The following PCDH15 variants were observed in gnomAD, a reference collection of about 807,000 sequenced individuals.
PCDH15 encodes the protein protocadherin-15.
A neutral mutation model predicts 178.5 loss-of-function variants in PCDH15; 129 were observed. That is an observed-to-expected ratio of 0.72 (90% CI 0.63 to 0.84). PCDH15 has a LOEUF of 0.84. PCDH15 is among the 40% of genes least tolerant of loss of function. The pLI, the probability that PCDH15 is intolerant of heterozygous loss-of-function variation, is 0.00. For synonymous variants in PCDH15, 800 were observed against 732.0 expected (o/e 1.09, Z -1.50); for missense variants, 2,230 against 2,099.9 (o/e 1.06, Z -1.21).
chr10:54,961,880 T>C (rs762850372), intron 2 of PCDH15, among the ~76,000 whole-genome samples: 4 of 152,042 alleles, frequency 2.6e-5, no homozygotes, highest in African/African-American at 4.8e-5. Context: ...TCACTTCGGG[T>C]CTTCTCTACT....
chr10:55,297,397 C>A lies in PCDH15; in HGVS notation c.-156+22202G>T, dbSNP rs191981408. Among the ~76,000 whole-genome samples the A allele has an allele frequency of 3.0e-3, 449 of 152,146 alleles. 2 individuals carry two copies. The highest frequency in any genetic ancestry group is 4.8e-3 in the Non-Finnish European group (325 of 67,974). ...TGTTTAAATCAGTCTTAATTGAATT[C>A]ACAGAACCATGTCACTGATTTTCCT... On this transcript the variant is annotated intron_variant, in intron 1 of 5. Transcript: ENST00000458638.
chr10:54,551,577 T>G (rs2086620701), intron 2 of PCDH15, among the ~76,000 whole-genome samples: 1 of 152,156 alleles, frequency 6.6e-6, no homozygotes, highest in Non-Finnish European at 1.5e-5. Context: ...TGATTTTTAC[T>G]TTGGTGTACA....
chr10:54,481,121 C>A (rs2078685585), intron 3 of PCDH15, among the ~76,000 whole-genome samples: 1 of 151,668 alleles, frequency 6.6e-6, no homozygotes. Context: ...AAATTCTCAC[C>A]CACTTACTCA....
rs559314608 is a variant in PCDH15, at chr10:54,092,289, A to G, written c.1918-2226T>C. Among the ~76,000 whole-genome samples, 7 of 152,140 alleles carry G rather than the reference A, an allele frequency of 4.6e-5. No homozygotes were observed. In the South Asian group the frequency reaches 1.0e-3, roughly 23 times the overall value. ...TTTCTTCTCTGCCACCACCTTCCTC[A>G]TGGATTATGGTAGTAACTATTTTAC... On this transcript the variant is annotated intron_variant, in intron 15 of 37. Coordinates refer to ENST00000644397, the MANE Select transcript of PCDH15 (RefSeq NM_001384140.1).
intron 8 of PCDH15, among the ~76,000 whole-genome samples, chr10:54,245,131 G>C (rs150905389): frequency 6.6e-6 from 1 of 152,132 alleles, no homozygotes; most frequent in Non-Finnish European, 1.5e-5. Context: ...CACTCAATAG[G>C]AAGGCAATAA....
intron 2 of PCDH15, among the ~76,000 whole-genome samples, chr10:55,102,490 G>A (rs1842596562): frequency 6.6e-6 from 1 of 151,994 alleles, no homozygotes; most frequent in South Asian, 2.1e-4. Context: ...TGGAATAACA[G>A]CAATAACTAA....
chr10:54,845,608 T>A (rs986061581), intron 3 of PCDH15, among the ~76,000 whole-genome samples: 2 of 152,090 alleles, frequency 1.3e-5, no homozygotes, highest in Non-Finnish European at 2.9e-5. Flanking sequence ...ATATTCTTTA[T>A]GAAGTCTTAA....
At chr10:54,545,016 C>T (rs1387754027) in intron 2 of PCDH15, among the ~76,000 whole-genome samples, 19 of 152,058 alleles carry the variant, frequency 1.2e-4, no homozygotes, top group Admixed American at 1.2e-3. Context: ...CCTCTAATCA[C>T]AAATGTCTGT....
chr10:54,198,105 G>GT (rs1176325376), intron 10 of PCDH15, among the ~76,000 whole-genome samples: 2 of 152,130 alleles, frequency 1.3e-5, no homozygotes, highest in African/African-American at 4.8e-5. Flanking sequence ...GTTTGGTCCT[G>GT]TCTGGGATTA....
chr10:55,419,814 T>C (rs565131937), intron 2 of PCDH15, among the ~76,000 whole-genome samples: 1 of 151,642 alleles, frequency 6.6e-6, no homozygotes. Flanking sequence ...CTGCAAAGAT[T>C]AAAATGTATA....
intron 9 of PCDH15, among the ~76,000 whole-genome samples, chr10:54,226,468 G>A (rs2053460688): frequency 6.6e-6 from 1 of 152,172 alleles, no homozygotes; most frequent in Non-Finnish European, 1.5e-5. Context: ...GGGAGGCTGA[G>A]GCAGGCAGAT....
intron 16 of PCDH15, among the ~76,000 whole-genome samples, chr10:54,085,049 G>C (rs764887723): frequency 3.3e-5 from 5 of 152,292 alleles, no homozygotes; most frequent in Non-Finnish European, 7.3e-5. Context: ...GGGAAAAGAT[G>C]ATGGTGGCAT....
intron 5 of PCDH15, among the ~76,000 whole-genome samples, chr10:54,361,883 C>A (rs1001049145): frequency 3.9e-5 from 6 of 151,996 alleles, no homozygotes; most frequent in African/African-American, 1.4e-4. Flanking sequence ...TGTATGTATA[C>A]AATATGGTGA....
intron 23 of PCDH15, among the ~76,000 whole-genome samples, chr10:53,949,643 G>A (rs2086853535): frequency 6.6e-6 from 1 of 152,058 alleles, no homozygotes; most frequent in Non-Finnish European, 1.5e-5. Flanking sequence ...GAGGCTGAGG[G>A]CTGAGATGGA....
chr10:53,915,585 A>G lies in PCDH15; in HGVS notation c.3374-12215T>C, dbSNP rs1344291723. Among the ~76,000 whole-genome samples the G allele has an allele frequency of 1.2e-4, 18 of 152,078 alleles. No individual in the cohort carries two copies. The South Asian group carries it at 3.5e-3, about 30-fold the overall frequency. On this transcript the variant is annotated intron_variant, in intron 25 of 37. Transcript: ENST00000644397. ...ATTCATATTTCCTTTTTTTTGAGAC[A>G]GTCTCGCTCTGTCATCCAGGCTGGA...
chr10:53,952,986 G>T (rs535122529), intron 23 of PCDH15, among the ~76,000 whole-genome samples: 3 of 152,226 alleles, frequency 2.0e-5, no homozygotes, highest in South Asian at 2.1e-4. Context: ...CAGGAGGGGG[G>T]CCCAGGTCCA....
intron 2 of PCDH15, among the ~76,000 whole-genome samples, chr10:54,659,348 G>A (rs2094455266): frequency 6.6e-6 from 1 of 152,146 alleles, no homozygotes; most frequent in Non-Finnish European, 1.5e-5. Context: ...TCTGTGCATG[G>A]AACGTTCTCT....
chr10:54,727,413 A>T (rs1028146226), intron 1 of PCDH15, among the ~76,000 whole-genome samples: 2 of 151,612 alleles, frequency 1.3e-5, no homozygotes, highest in African/African-American at 2.4e-5. Flanking sequence ...TGAAACAAAG[A>T]TACAACATAC....
intron 3 of PCDH15, among the ~76,000 whole-genome samples, chr10:54,490,984 C>G (rs892294568): frequency 2.0e-5 from 3 of 151,950 alleles, no homozygotes; most frequent in Non-Finnish European, 4.4e-5. Flanking sequence ...TTTAGCCCAC[C>G]CTGGCCAGGG....
Sources: allele counts gnomAD v4.1 joint callset (sites outside exome capture counted in the v4.1 genomes callset), GRCh38; gene constraint gnomAD v4.1.1; transcripts MANE v1.5; gene names NCBI Gene and HGNC (gene_info 2026-07-23, HGNC 2026-07-21).